NPSR1: variants seen among roughly 807,000 people sequenced by gnomAD.
The protein encoded by NPSR1 is neuropeptide S receptor 1, also known as neuropeptide S receptor.
In NPSR1, 48 loss-of-function variants were observed where a neutral mutation model predicts 46.9. That is an observed-to-expected ratio of 1.02 (90% confidence interval 0.81 to 1.30). The LOEUF is 1.30. NPSR1 is among the 50% of genes most tolerant of loss of function. NPSR1 has a pLI of 0.00. For synonymous variants in NPSR1, 176 were observed against 168.1 expected, an observed-to-expected ratio of 1.05 and a Z score of -0.36; for missense variants, 450 against 449.5, an observed-to-expected ratio of 1.00 and a Z score of -0.01.
intron 2 of NPSR1, among the ~76,000 whole-genome samples, chr7:34,732,079 C>CAAAAA (rs535991989): frequency 5.3e-5 from 5 of 93,892 alleles, no homozygotes; most frequent in Non-Finnish European, 8.4e-5. Context: ...GACTTCATCT[C>CAAAAA]AAAAAAAAAA....
intron 1 of NPSR1, among the ~76,000 whole-genome samples, chr7:34,683,785 G>T (rs2128683784): frequency 6.6e-6 from 1 of 152,170 alleles, no homozygotes; most frequent in East Asian, 1.9e-4. Context: ...ATCTATTCAT[G>T]AGGGCACAGC....
intron 2 of NPSR1, among the ~76,000 whole-genome samples, chr7:34,744,958 A>C (rs1291075987): frequency 6.6e-6 from 1 of 152,244 alleles, no homozygotes; most frequent in Admixed American, 6.5e-5. Flanking sequence ...TAGTATAACA[A>C]CAATTTATAT....
At chr7:34,739,607 G>A (rs77574300) in intron 2 of NPSR1, among the ~76,000 whole-genome samples, 1,621 of 152,270 alleles carry the variant, frequency 0.011, 29 homozygotes, top group African/African-American at 0.037. Flanking sequence ...TTCCCTTGAT[G>A]TAGTACTCTC....
intron 3 of NPSR1, among the ~76,000 whole-genome samples, chr7:34,807,510 G>A (rs1267804726): frequency 1.3e-5 from 2 of 152,054 alleles, no homozygotes; most frequent in Non-Finnish European, 2.9e-5. Flanking sequence ...CACATGAAAT[G>A]CTGTTTGCTT....
intron 2 of NPSR1, among the ~76,000 whole-genome samples, chr7:34,725,282 C>A (rs891509386): frequency 1.3e-5 from 2 of 152,090 alleles, no homozygotes; most frequent in Non-Finnish European, 2.9e-5. Context: ...GATACTATAG[C>A]CAAAATGGAT....
intron 2 of NPSR1, among the ~76,000 whole-genome samples, chr7:34,743,694 T>C (rs1293619078): frequency 6.6e-6 from 1 of 152,174 alleles, no homozygotes; most frequent in East Asian, 1.9e-4. Flanking sequence ...TGTTGAAGAT[T>C]AGATCATGTG....
At chr7:34,766,808 C>T (rs1272921335) in intron 2 of NPSR1, among the ~76,000 whole-genome samples, 3 of 152,100 alleles carry the variant, frequency 2.0e-5, no homozygotes, top group African/African-American at 4.8e-5. Context: ...CTCCCGACCT[C>T]GTGATCCACC....
At chr7:34,863,583 C>A (rs2128768399) in intron 8 of NPSR1, among the ~76,000 whole-genome samples, 1 of 151,968 alleles carries the variant, frequency 6.6e-6, no homozygotes, top group Non-Finnish European at 1.5e-5. Context: ...ACAGACACTT[C>A]TCAAAAACAG....
chr7:34,686,548 C>T (rs1792938156), intron 2 of NPSR1, among the ~76,000 whole-genome samples: 1 of 152,108 alleles, frequency 6.6e-6, no homozygotes, highest in South Asian at 2.1e-4. Flanking sequence ...TTGAGTCCCC[C>T]ATCATATGTC....
chr7:34,806,373 G>T (rs1788699473), intron 3 of NPSR1, among the ~76,000 whole-genome samples: 3 of 152,062 alleles, frequency 2.0e-5, no homozygotes, highest in Admixed American at 2.0e-4. Context: ...AAGACATGGA[G>T]GAATCTTAAA....
chr7:34,794,091 A>C (rs1260961399), intron 3 of NPSR1, among the ~76,000 whole-genome samples: 1 of 152,102 alleles, frequency 6.6e-6, no homozygotes, highest in Non-Finnish European at 1.5e-5. Context: ...AGGGTATGGG[A>C]GAACACTGGT....
At chr7:34,792,701 G>GTTTTTTTA (rs1562733337) in intron 3 of NPSR1, among the ~76,000 whole-genome samples, 1 of 72,216 alleles carries the variant, frequency 1.4e-5, no homozygotes, top group African/African-American at 4.6e-5. Context: ...ATATATATAC[G>GTTTTTTTA]TATATATATA....
At chr7:34,874,443 C>T (rs1351553575) in intron 8 of NPSR1, among the ~76,000 whole-genome samples, 2 of 151,790 alleles carry the variant, frequency 1.3e-5, no homozygotes, top group Admixed American at 6.6e-5. Context: ...AAATGGGCAC[C>T]GGTTAAAATA....
At chr7:34,814,628 A>C (rs1037566848) in intron 4 of NPSR1, among the ~76,000 whole-genome samples, 1 of 152,194 alleles carries the variant, frequency 6.6e-6, no homozygotes, top group Non-Finnish European at 1.5e-5. Flanking sequence ...TAACTGGGAG[A>C]CATCTCCCAG....
chr7:34,836,641 GAA>G (rs1049854680), intron 6 of NPSR1, among the ~76,000 whole-genome samples: 38 of 148,660 alleles, frequency 2.6e-4, no homozygotes, highest in Middle Eastern at 3.5e-3. Flanking sequence ...AAGAAAGAAA[GAA>G]AGAGAAAGAA....
chr7:34,750,929 G>T (rs754538289), intron 2 of NPSR1: 17 of 745,076 alleles, frequency 2.3e-5, no homozygotes, highest in South Asian at 2.2e-4. Context: ...CCAGCTCGGG[G>T]TCTGACAGGT....
intron 2 of NPSR1, among the ~76,000 whole-genome samples, chr7:34,746,327 T>C (rs1785201577): frequency 1.3e-5 from 2 of 152,234 alleles, no homozygotes; most frequent in African/African-American, 4.8e-5. Flanking sequence ...TAAGATATTT[T>C]GAGAGAGAAT....
At chr7:34,703,371 A>AAAAT (rs35157717) in intron 2 of NPSR1, among the ~76,000 whole-genome samples, 7,771 of 148,576 alleles carry the variant, frequency 0.052, 198 homozygotes, top group African/African-American at 0.063. Flanking sequence ...ACTCCGTCTC[A>AAAAT]AAATAAATAA....
At chr7:34,747,737 T>C (rs1562698977) in intron 2 of NPSR1, among the ~76,000 whole-genome samples, 1 of 152,218 alleles carries the variant, frequency 6.6e-6, no homozygotes, top group Non-Finnish European at 1.5e-5. Context: ...CTTAATTGAC[T>C]GCAATTAAGT....
Sources: gnomAD v4.1 joint callset for allele counts (sites outside exome capture counted in the v4.1 genomes callset) on GRCh38, gnomAD v4.1.1 for gene constraint, MANE v1.5 for transcripts, NCBI Gene and HGNC (gene_info 2026-07-23, HGNC 2026-07-21) for gene names.